The following HID1 variants were observed in gnomAD, a reference collection of about 807,000 sequenced individuals.
The protein encoded by HID1 is HID1 domain containing, also known as protein HID1.
A neutral mutation model predicts 89.7 loss-of-function variants in HID1; 42 were observed. That is an observed-to-expected ratio of 0.47 (90% CI 0.37 to 0.61). HID1 has a LOEUF of 0.61. HID1 is among the 20% of genes least tolerant of loss of function. HID1 has a pLI of 0.00. For synonymous variants in HID1, 442 were observed against 433.8 expected (o/e 1.02, Z -0.24); for missense variants, 854 against 1,039.3 (o/e 0.82, Z 2.45).
intron 16 of HID1, 39 bp downstream of exon 16, chr17:74,952,967 C>G: frequency 6.6e-7 from 1 of 1,524,838 alleles, no homozygotes; most frequent in South Asian, 1.2e-5. Flanking sequence ...TCTGCCCAAA[C>G]CCCAGCCCCC....
rs780928180 is a variant in HID1 at position 74,954,162 on chromosome 17, T to C, written c.1840A>G (p.Lys614Glu). 3.1e-6 allele frequency: 5 copies of C among 1,601,326 alleles called. No individual in the cohort carries two copies. The highest frequency in any genetic ancestry group is 2.2e-5 in the East Asian group (1 of 44,504). ...PAAPAEPGTL[K>E]TSLVATPGID... ...CCTGGAGTAGCCACCAGACTGGTCT[T>C]GAGGGTGCCTGGCTCTGCAGGGGCA... The change falls in exon 14 of 19, where the codon AAG (lysine) becomes GAG (glutamate). Residue 614 changes from lysine (K) to glutamate (E), a missense_variant. Transcript: ENST00000425042.
At chr17:74,953,417 C>A in intron 15 of HID1, 128 bp downstream of exon 15, 1 of 715,770 alleles carries the variant, frequency 1.4e-6, no homozygotes. Context: ...CCCTAATGCC[C>A]TGGGCACTGG....
intron 3 of HID1, 72 bp from the exon 4 acceptor site, chr17:74,963,153 G>C (rs928850801): frequency 2.1e-5 from 24 of 1,144,218 alleles, no homozygotes; most frequent in Non-Finnish European, 2.9e-5. Context: ...GCTTGGGGGT[G>C]GTGGAGGACA....
At chr17:74,953,126 G>A (rs1329728456) in intron 15 of HID1, 40 bp from the exon 16 acceptor site, 5 of 1,507,770 alleles carry the variant, frequency 3.3e-6, no homozygotes, top group Non-Finnish European at 4.5e-6. Flanking sequence ...GATGGTGGCG[G>A]TGGGTGAGGG....
chr17:74,958,005 C>A lies in HID1; in HGVS notation c.1471+136G>T. ...TTGTCACCCTTTTTTTTTAATGTGGCTACTATGAAGGGTACACAAGCTTGC... is the reference window on the plus strand; with the variant it reads ...TTGTCACCCTTTTTTTTTAATGTGGATACTATGAAGGGTACACAAGCTTGC... On this transcript the variant is annotated intron_variant, in intron 12 of 18. Transcript: ENST00000425042. The surrounding 1 kb of genome is among the most constrained non-coding windows in gnomAD (Gnocchi z 5.2). 1 of 653,846 alleles carries A rather than the reference C, an allele frequency of 1.5e-6. No individual in the cohort carries two copies. The highest frequency in any genetic ancestry group is 2.6e-6 in the Non-Finnish European group (1 of 383,356). 40.5% of individuals were successfully genotyped at this position (653,846 alleles called of 1,614,324 possible). A position where few individuals can be genotyped will look rare whatever the true frequency, so the allele number is the denominator to read the frequency against.
At position 74,951,441 on chromosome 17, in the gene HID1, C is replaced by A; in HGVS notation, c.*129G>T. 1 of 871,780 alleles carries A rather than the reference C, an allele frequency of 1.1e-6. No homozygotes were observed. The highest frequency in any genetic ancestry group is 1.5e-5 in the South Asian group (1 of 64,670). 54.0% of individuals were successfully genotyped at this position (871,780 alleles called of 1,614,324 possible). A position where few individuals can be genotyped will look rare whatever the true frequency, so the allele number is the denominator to read the frequency against. On this transcript the variant is annotated 3_prime_UTR_variant, in exon 19 of 19. Transcript: ENST00000425042. ...GGCCACAGGGGTCTCTAGGGCATGA[C>A]ACTCAGGGCCACTCTGCCTGTTCCA...
chr17:74,958,648 C>T lies in HID1; in HGVS notation c.1240+25G>A, dbSNP rs1312804158. 2 of 1,499,168 alleles carry T rather than the reference C, an allele frequency of 1.3e-6. No homozygotes were observed. Among genetic ancestry groups the T allele is most frequent in the African/African-American group, 2.8e-5 (2 of 72,420 alleles). 92.9% of individuals were successfully genotyped at this position (1,499,168 alleles called of 1,614,324 possible). ...ACCTCGCCGCCAGGAAAGCCCCCAG[C>T]ATCCCACCCCCACCCTGGTCTTACA... On this transcript the variant is annotated intron_variant, in intron 10 of 18. Coordinates refer to ENST00000425042, the MANE Select transcript of HID1 (RefSeq NM_030630.3). This position sits in a 1 kb window ranked among gnomAD's most constrained non-coding sequence, Gnocchi z 5.2.
chr17:74,972,059 G>T lies in HID1; in HGVS notation c.66+532C>A, dbSNP rs11650024. Among the ~76,000 whole-genome samples, 56,578 of 152,076 alleles carry T rather than the reference G, an allele frequency of 0.37. 13,307 individuals are homozygous for T. Among genetic ancestry groups the T allele is most frequent in the Non-Finnish European group, 0.54 (36,651 of 67,918 alleles). ...TTTGCGTGTTCCCAGGAAGACCTGG[G>T]CCTTCCCTGCCCACGGGCATCGACC... On this transcript the variant is annotated intron_variant, in intron 1 of 18. Transcript: ENST00000425042. The surrounding 1 kb of genome is among the most constrained non-coding windows in gnomAD (Gnocchi z 6.4).
In HID1 at chr17:74,958,807, G is replaced by A. The variant is rs753483439; in HGVS notation, c.1150-44C>T. On this transcript the variant is annotated intron_variant, in intron 9 of 18. Transcript: ENST00000425042. This position sits in a 1 kb window ranked among gnomAD's most constrained non-coding sequence, Gnocchi z 5.2. ...GCCAAGTGGGCTGAGTTCAAGGGAG[G>A]GGCAGCTCTGCCCCACCCCCCTCAG... The A allele has an allele frequency of 1.9e-6, 3 of 1,602,198 alleles. No individual in the cohort carries two copies. The highest frequency in any genetic ancestry group is 2.6e-6 in the Non-Finnish European group (3 of 1,172,300).
intron 3 of HID1, chr17:74,963,363 C>T (rs1027033792): frequency 1.6e-5 from 8 of 499,074 alleles, no homozygotes; most frequent in Non-Finnish European, 2.2e-5. Flanking sequence ...CTAGGAATCA[C>T]TGTGTTGCAT....
At position 74,962,137 on chromosome 17, in the gene HID1, C is replaced by T. The variant is rs2039490924; in HGVS notation, c.611+97G>A. ...GTCAAGGTCGGGTCATAGGTGAGGA[C>T]GGTCTTCTGGGAAGACCCCATGGGC... On this transcript the variant is annotated intron_variant, in intron 5 of 18. Coordinates refer to ENST00000425042, the MANE Select transcript of HID1 (RefSeq NM_030630.3). This position sits in a 1 kb window ranked among gnomAD's most constrained non-coding sequence, Gnocchi z 4.3. 1.4e-5 allele frequency: 17 copies of T among 1,183,038 alleles called. No individual in the cohort carries two copies. Among genetic ancestry groups the T allele is most frequent in the East Asian group, 2.5e-5 (1 of 40,610 alleles). The allele number at this position is 1,183,038 out of a possible 1,614,324, so 73.3% of individuals were successfully genotyped here.
At chr17:74,969,258 A>C (rs987070636) in intron 1 of HID1, among the ~76,000 whole-genome samples, 4 of 151,942 alleles carry the variant, frequency 2.6e-5, no homozygotes, top group African/African-American at 9.7e-5. Context: ...GCAGTGGTGC[A>C]ATCTCGGCTT....
At chr17:74,968,414 T>TG in intron 1 of HID1, among the ~76,000 whole-genome samples, 1 of 152,202 alleles carries the variant, frequency 6.6e-6, no homozygotes. Context: ...AACTCAGAGT[T>TG]GGGGTCGCAT....
intron 13 of HID1, chr17:74,955,029 C>CGAG: frequency 6.4e-6 from 1 of 157,400 alleles, no homozygotes; most frequent in Admixed American, 6.0e-5. Context: ...TATTTTGCCC[C>CGAG]ATCTTCCCAA....
In HID1 at chr17:74,959,840, C is replaced by T. The variant is rs372334899; in HGVS notation, c.1008+41G>A. On this transcript the variant is annotated intron_variant, in intron 8 of 18. Transcript: ENST00000425042. This position sits in a 1 kb window ranked among gnomAD's most constrained non-coding sequence, Gnocchi z 4.6. The stretch of plus-strand genomic sequence containing the variant: ...CCCCATATCCCTGTCTCACTTGCAT[C>T]CCCCTGCACCCTGCAAAGCCACTGT... 2.3e-5 allele frequency: 37 copies of T among 1,601,490 alleles called. No homozygotes were observed. Among genetic ancestry groups the T allele is most frequent in the African/African-American group, 4.0e-5 (3 of 74,612 alleles).
In HID1 at chr17:74,956,027, G is replaced by A. The variant is rs111947654; in HGVS notation, c.1472-71C>T. 6,998 of 1,478,222 alleles carry A rather than the reference G, an allele frequency of 4.7e-3. 136 individuals are homozygous for A. In the African/African-American group the frequency reaches 0.057, roughly 12 times the overall value. 91.6% of individuals were successfully genotyped at this position (1,478,222 alleles called of 1,614,324 possible). A position where few individuals can be genotyped will look rare whatever the true frequency, so the allele number is the denominator to read the frequency against. On this transcript the variant is annotated intron_variant, in intron 12 of 18. Coordinates refer to ENST00000425042, the MANE Select transcript of HID1 (RefSeq NM_030630.3). The stretch of plus-strand genomic sequence containing the variant: ...ATCCCTGCACATCCTGGGCCGGGGT[G>A]GAACAACAGGCTCCTGCTCTCAATC...
intron 1 of HID1, among the ~76,000 whole-genome samples, chr17:74,969,160 C>T (rs2039606124): frequency 6.2e-5 from 1 of 16,034 alleles, no homozygotes; most frequent in African/African-American, 1.6e-4. Flanking sequence ...AGTTGGCCTC[C>T]ACCCAGCCCG....
chr17:74,952,238 C>G, intron 17 of HID1, 31 bp downstream of exon 17: 1 of 1,594,886 alleles, frequency 6.3e-7, no homozygotes, highest in Non-Finnish European at 8.6e-7. Context: ...GCCCCGCCCA[C>G]AACCCCCGGC....
chr17:74,972,624 C>G lies in HID1; in HGVS notation c.33G>C (p.Arg11=). 2 of 1,549,218 alleles carry G rather than the reference C, an allele frequency of 1.3e-6. No individual in the cohort carries two copies. The highest frequency in any genetic ancestry group is 1.7e-6 in the Non-Finnish European group (2 of 1,145,814). Residue 11 remains arginine (R), a synonymous_variant, in exon 1 of 19, where the codon CGG becomes CGC. Coordinates refer to ENST00000425042, the MANE Select transcript of HID1 (RefSeq NM_030630.3). The surrounding 1 kb of genome is among the most constrained non-coding windows in gnomAD (Gnocchi z 6.4). Reference sequence around the variant, plus strand: ...TGGTGGTGAGCTGGATCACCGCCTTCCGGAAGTTCAGCTTGGAGTCGGTCG... The same window carrying G: ...TGGTGGTGAGCTGGATCACCGCCTTGCGGAAGTTCAGCTTGGAGTCGGTCG... The part of the protein sequence containing the change: MGSTDSKLNF[R]KAVIQLTTKT...
Sources: gnomAD v4.1 joint callset for allele counts (sites outside exome capture counted in the v4.1 genomes callset) on GRCh38, gnomAD v4.1.1 for gene constraint, Gnocchi (gnomAD v3.1) non-coding constraint, MANE v1.5 for transcripts, NCBI Gene and HGNC (gene_info 2026-07-23, HGNC 2026-07-21) for gene names.